SLC8A3: variants seen among roughly 807,000 people sequenced by gnomAD.
The protein encoded by SLC8A3 is sodium/calcium exchanger 3.
SLC8A3 carries 37 observed loss-of-function variants against 65.4 expected under a neutral mutation model. The ratio of observed to expected loss-of-function variants is 0.57; its 90% CI spans 0.44 to 0.74. The LOEUF is 0.74. Among genes scored for constraint, SLC8A3 ranks in the 30% least tolerant of loss-of-function variants. The probability of loss-of-function intolerance (pLI) is 0.00; values close to 1 mark genes in which losing one functional copy is unlikely to be tolerated. For missense variants in SLC8A3, 1,112 were observed against 1,172.1 expected, an observed-to-expected ratio of 0.95 and a Z score of 0.75; for synonymous variants, 461 against 444.5, an observed-to-expected ratio of 1.04 and a Z score of -0.47.
intron 2 of SLC8A3, among the ~76,000 whole-genome samples, chr14:70,127,343 GCAGGTAGACTTTTTGACCCCGCC>G (rs574641076): frequency 3.7e-4 from 57 of 152,288 alleles, no homozygotes; most frequent in Non-Finnish European, 5.6e-4. Flanking sequence ...CATATGCTGA[GCAGGTAGACTTTTTGACCCCGCC>G]CAGGTAGACT....
intron 2 of SLC8A3, among the ~76,000 whole-genome samples, chr14:70,101,720 A>G (rs1009615254): frequency 2.6e-5 from 4 of 152,256 alleles, no homozygotes; most frequent in Admixed American, 1.3e-4. Context: ...AACAATTTGT[A>G]GAAATCATTT....
chr14:70,127,219 A>G (rs917468643), intron 2 of SLC8A3, among the ~76,000 whole-genome samples: 2 of 152,162 alleles, frequency 1.3e-5, no homozygotes, highest in African/African-American at 4.8e-5. Context: ...CCAGTCACCT[A>G]CCATTGAGAA....
In SLC8A3 at chr14:70,170,497, T is replaced by C. The variant is rs61978186; in HGVS notation, c.-62-2013A>G. Among the ~76,000 whole-genome samples the C allele has an allele frequency of 2.2e-4, 33 of 152,310 alleles. No homozygotes were observed. In the East Asian group the frequency reaches 6.4e-3, roughly 29 times the overall value. ...TGTTTATCATGGTATCCTGAATGGT[T>C]AGTAGGTTCTCAGTAACTGTATGTT... On this transcript the variant is annotated intron_variant, in intron 1 of 6. Coordinates refer to ENST00000356921, the MANE Select transcript of SLC8A3 (RefSeq NM_182932.3).
At chr14:70,063,807 G>C in intron 2 of SLC8A3, 1 of 1,351,948 alleles carries the variant, frequency 7.4e-7, no homozygotes, top group Non-Finnish European at 1.1e-6. Context: ...TTAGTGTGGA[G>C]GACAGGGTAC....
chr14:70,186,140 T>C (rs1883193603), intron 1 of SLC8A3, among the ~76,000 whole-genome samples: 1 of 152,062 alleles, frequency 6.6e-6, no homozygotes, highest in South Asian at 2.1e-4. Context: ...TGACAGTGAG[T>C]TCTCACAAGA....
chr14:70,166,121 G>T (rs1897146087), intron 2 of SLC8A3, among the ~76,000 whole-genome samples: 1 of 152,206 alleles, frequency 6.6e-6, no homozygotes. Context: ...CTGGAATCTG[G>T]TTACACAGTG....
At chr14:70,079,015 C>T (rs772001626) in intron 2 of SLC8A3, among the ~76,000 whole-genome samples, 1 of 152,130 alleles carries the variant, frequency 6.6e-6, no homozygotes, top group African/African-American at 2.4e-5. Context: ...TGATATTCTT[C>T]TGTTATGTAC....
intron 2 of SLC8A3, among the ~76,000 whole-genome samples, chr14:70,139,367 C>T (rs995817850): frequency 1.3e-5 from 2 of 152,176 alleles, no homozygotes; most frequent in Admixed American, 1.3e-4. Context: ...TGTTCACTCC[C>T]AGCTGGTAAC....
intron 1 of SLC8A3, among the ~76,000 whole-genome samples, chr14:70,174,676 T>TTG (rs1897781947): frequency 2.2e-5 from 3 of 139,056 alleles, no homozygotes; most frequent in Non-Finnish European, 4.8e-5. Context: ...TTTTTTTTTT[T>TTG]TTTTTTTTTT....
intron 2 of SLC8A3, among the ~76,000 whole-genome samples, chr14:70,061,556 GAGAGAA>G (rs1594911573): frequency 6.9e-6 from 1 of 145,552 alleles, no homozygotes; most frequent in Non-Finnish European, 1.5e-5. Context: ...GAGAGAGTGA[GAGAGAA>G]AGAGAAAGAG....
At chr14:70,179,352 C>T (rs894804988) in intron 1 of SLC8A3, among the ~76,000 whole-genome samples, 2 of 152,156 alleles carry the variant, frequency 1.3e-5, no homozygotes, top group African/African-American at 4.8e-5. Context: ...AATATATACT[C>T]CATAGTAGCA....
At chr14:70,135,634 G>C (rs961547808) in intron 2 of SLC8A3, among the ~76,000 whole-genome samples, 1 of 152,026 alleles carries the variant, frequency 6.6e-6, no homozygotes, top group African/African-American at 2.4e-5. Context: ...AGTGAAATAA[G>C]CCAGGCACAG....
At chr14:70,121,093 C>A (rs763005876) in intron 2 of SLC8A3, among the ~76,000 whole-genome samples, 1 of 152,100 alleles carries the variant, frequency 6.6e-6, no homozygotes, top group Non-Finnish European at 1.5e-5. Context: ...TCAGAAATGT[C>A]TTTTTTTCCC....
At chr14:70,181,074 C>T (rs536615342) in intron 1 of SLC8A3, among the ~76,000 whole-genome samples, 1 of 152,292 alleles carries the variant, frequency 6.6e-6, no homozygotes, top group East Asian at 1.9e-4. Context: ...ACAGAATTGT[C>T]AGGTCAGGGA....
At chr14:70,170,061 C>T (rs1031493928) in intron 1 of SLC8A3, among the ~76,000 whole-genome samples, 2 of 152,144 alleles carry the variant, frequency 1.3e-5, no homozygotes, top group African/African-American at 4.8e-5. Context: ...CTCACTAGTT[C>T]TCAATTCCAC....
At chr14:70,161,130 T>A (rs1038315297) in intron 2 of SLC8A3, among the ~76,000 whole-genome samples, 1 of 145,382 alleles carries the variant, frequency 6.9e-6, no homozygotes, top group Non-Finnish European at 1.5e-5. Context: ...GGTATATATA[T>A]ATATAAATAT....
Position 70,046,473 on chromosome 14 carries a change from T to TG in SLC8A3, c.2390-151dup. The TG allele has an allele frequency of 2.6e-6, 2 of 755,032 alleles. No homozygotes were observed. The highest frequency in any genetic ancestry group is 5.8e-5 in the Admixed American group (2 of 34,282). The allele number at this position is 755,032 out of a possible 1,614,324, so 46.8% of individuals were successfully genotyped here. ...GGGGGCCACTCCTAACTCCTAGTTC[T>TG]GCCGCAAGCAAGCCGTGTGGCCCTG... On this transcript the variant is annotated intron_variant, in intron 6 of 6. Transcript: ENST00000356921. The surrounding 1 kb of genome is among the most constrained non-coding windows in gnomAD (Gnocchi z 4.2).
chr14:70,085,651 A>G (rs1295195897), intron 2 of SLC8A3, among the ~76,000 whole-genome samples: 2 of 152,236 alleles, frequency 1.3e-5, no homozygotes, highest in Non-Finnish European at 2.9e-5. Context: ...TTCGCAGTCC[A>G]ATGGGGAAAG....
At chr14:70,145,445 G>A (rs1276069845) in intron 2 of SLC8A3, among the ~76,000 whole-genome samples, 1 of 152,176 alleles carries the variant, frequency 6.6e-6, no homozygotes, top group Non-Finnish European at 1.5e-5. Context: ...GCAACTAAGT[G>A]TAATCTCTAA....
Sources: gnomAD v4.1 joint callset for allele counts (sites outside exome capture counted in the v4.1 genomes callset) on GRCh38, gnomAD v4.1.1 for gene constraint, Gnocchi (gnomAD v3.1) non-coding constraint, MANE v1.5 for transcripts, NCBI Gene and HGNC (gene_info 2026-07-23, HGNC 2026-07-21) for gene names.